The following IGF2BP1 variants were observed in gnomAD, a reference collection of about 807,000 sequenced individuals.
IGF2BP1 encodes the protein insulin like growth factor 2 mRNA binding protein 1.
IGF2BP1 carries 11 observed loss-of-function variants against 74.9 expected under a neutral mutation model. The observed-to-expected ratio is 0.15, with a 90% CI of 0.09 to 0.24. The LOEUF (loss-of-function observed/expected upper bound fraction) is 0.24. Among genes scored for constraint, IGF2BP1 ranks in the 10% least tolerant of loss-of-function variants. IGF2BP1 has a pLI of 1.00. For synonymous variants in IGF2BP1, 287 were observed against 281.8 expected, an observed-to-expected ratio of 1.02 and a Z score of -0.18; for missense variants, 440 against 757.4, an observed-to-expected ratio of 0.58 and a Z score of 4.92.
intron 14 of IGF2BP1, among the ~76,000 whole-genome samples, chr17:49,049,140 G>A (rs1437127815): frequency 7.2e-5 from 11 of 152,012 alleles, no homozygotes; most frequent in Admixed American, 6.6e-4. Context: ...CACCCACCAC[G>A]TTTGCTGTAT....
chr17:49,016,532 T>C (rs1028083508), intron 2 of IGF2BP1, among the ~76,000 whole-genome samples: 1 of 152,210 alleles, frequency 6.6e-6, no homozygotes, highest in East Asian at 1.9e-4. Context: ...AGAGTAGCTC[T>C]TGGTGACCTG....
chr17:48,999,952 G>C (rs2041465968), intron 2 of IGF2BP1, among the ~76,000 whole-genome samples: 1 of 151,404 alleles, frequency 6.6e-6, no homozygotes, highest in Non-Finnish European at 1.5e-5. Flanking sequence ...GTGTGTGTGT[G>C]TGTGTGTGTG....
Position 49,038,216 on chromosome 17 carries a change from G to A in IGF2BP1, c.450G>A (p.Lys150=). 3 of 1,550,322 alleles carry A rather than the reference G, an allele frequency of 1.9e-6. No individual in the cohort carries two copies. The highest frequency in any genetic ancestry group is 2.6e-6 in the Non-Finnish European group (3 of 1,145,456). The change falls in exon 6 of 15, where the codon AAG becomes AAA. Residue 150 remains lysine (K), a synonymous_variant. Transcript: ENST00000290341. ...NGHQLENHAL[K]VSYIPDEQIA... ...ACCAGTTGGAGAACCATGCCCTGAA[G>A]GTCTCCTACATCCCCGATGAGCAGA...
intron 9 of IGF2BP1, among the ~76,000 whole-genome samples, chr17:49,042,875 G>T (rs1251584028): frequency 6.6e-6 from 1 of 151,916 alleles, no homozygotes; most frequent in Non-Finnish European, 1.5e-5. Flanking sequence ...TTGGAAACAG[G>T]GTCTTGCTGT....
chr17:49,014,826 T>C, intron 2 of IGF2BP1: 1 of 985,374 alleles, frequency 1.0e-6, no homozygotes, highest in Non-Finnish European at 1.2e-6. Flanking sequence ...CGGGTCCTTC[T>C]CATGGTGCGG....
rs560218666 is a variant in IGF2BP1 at position 49,055,513 on chromosome 17, C to G, written c.*6069C>G. The G allele has an allele frequency of 2.5e-6, 1 of 395,592 alleles. No homozygotes were observed. The highest frequency in any genetic ancestry group is 3.6e-5 in the East Asian group (1 of 27,964). The allele number at this position is 395,592 out of a possible 1,614,324, so 24.5% of individuals were successfully genotyped here. A position where few individuals can be genotyped will look rare whatever the true frequency, so the allele number is the denominator to read the frequency against. ...TGCTTAAATCTTGACTGGCACTTCC[C>G]GGCTGTGGGGGCTGGGGAGCCACTT... is the stretch of plus-strand genomic sequence containing the variant. On this transcript the variant is annotated 3_prime_UTR_variant, in exon 15 of 15. Coordinates refer to ENST00000290341, the MANE Select transcript of IGF2BP1 (RefSeq NM_006546.4).
chr17:49,025,976 C>T (rs528353966), intron 3 of IGF2BP1, among the ~76,000 whole-genome samples: 1 of 151,864 alleles, frequency 6.6e-6, no homozygotes, highest in African/African-American at 2.4e-5. Context: ...CTGCCTCAGC[C>T]TCCCAAGTAG....
chr17:49,019,924 ATAT>A (rs2041760661), intron 2 of IGF2BP1, among the ~76,000 whole-genome samples: 1 of 61,508 alleles, frequency 1.6e-5, no homozygotes, highest in Non-Finnish European at 3.1e-5. Context: ...ATATATATAT[ATAT>A]ATATATATAT....
At chr17:49,039,091 T>C (rs768301604) in intron 6 of IGF2BP1, among the ~76,000 whole-genome samples, 2 of 152,114 alleles carry the variant, frequency 1.3e-5, no homozygotes, top group Non-Finnish European at 2.9e-5. Flanking sequence ...TTGATCAGGC[T>C]GGTTACGAAC....
At chr17:49,041,213 A>G (rs929158913) in intron 7 of IGF2BP1, among the ~76,000 whole-genome samples, 165 bp from the exon 8 acceptor site, 1 of 152,180 alleles carries the variant, frequency 6.6e-6, no homozygotes, top group South Asian at 2.1e-4. Flanking sequence ...TTGATGTTCA[A>G]TTGATGTATA....
At chr17:49,023,554 GT>G (rs2041817037) in intron 2 of IGF2BP1, among the ~76,000 whole-genome samples, 1 of 152,056 alleles carries the variant, frequency 6.6e-6, no homozygotes, top group African/African-American at 2.4e-5. Flanking sequence ...CCCCTTCCCT[GT>G]TTTCAAACCC....
chr17:49,046,881 A>G (rs1420215274), intron 14 of IGF2BP1, among the ~76,000 whole-genome samples: 1 of 152,000 alleles, frequency 6.6e-6, no homozygotes, highest in Non-Finnish European at 1.5e-5. Flanking sequence ...AGAACTCATC[A>G]TTGCCGTTCA....
At chr17:49,000,755 A>G (rs1022727160) in intron 2 of IGF2BP1, among the ~76,000 whole-genome samples, 2 of 152,186 alleles carry the variant, frequency 1.3e-5, no homozygotes, top group Non-Finnish European at 1.5e-5. Context: ...AAATAGCAAA[A>G]CGTGATGAAA....
chr17:49,049,559 A>T lies in IGF2BP1; in HGVS notation c.*115A>T. 3.6e-6 allele frequency: 3 copies of T among 829,952 alleles called. No homozygotes were observed. The highest frequency in any genetic ancestry group is 5.8e-6 in the Non-Finnish European group (3 of 515,222). The allele number at this position is 829,952 out of a possible 1,614,324, so 51.4% of individuals were successfully genotyped here. A position where few individuals can be genotyped will look rare whatever the true frequency, so the allele number is the denominator to read the frequency against. ...ATCCGGGACACCTGGGCCGGGCTGTAGATCAGGTTTGCCCACTTGATTGAG... is the reference window on the plus strand; with the variant it reads ...ATCCGGGACACCTGGGCCGGGCTGTTGATCAGGTTTGCCCACTTGATTGAG... On this transcript the variant is annotated 3_prime_UTR_variant, in exon 15 of 15. Coordinates refer to ENST00000290341, the MANE Select transcript of IGF2BP1 (RefSeq NM_006546.4).
rs2042144939 is a variant in IGF2BP1, at chr17:49,049,526, G to A, written c.*82G>A. 8.2e-7 allele frequency: 1 copy of A among 1,223,410 alleles called. No homozygotes were observed. 75.8% of individuals were successfully genotyped at this position (1,223,410 alleles called of 1,614,324 possible). A position where few individuals can be genotyped will look rare whatever the true frequency, so the allele number is the denominator to read the frequency against. ...TGCTCTCCCCGGCAGGCCTGAGAAT[G>A]AGTGGGAATCCGGGACACCTGGGCC... is the stretch of plus-strand genomic sequence containing the variant. On this transcript the variant is annotated 3_prime_UTR_variant, in exon 15 of 15. Transcript: ENST00000290341.
chr17:49,028,890 C>T (rs2041888173), intron 4 of IGF2BP1, among the ~76,000 whole-genome samples: 1 of 152,132 alleles, frequency 6.6e-6, no homozygotes, highest in African/African-American at 2.4e-5. Context: ...TCATTGCAAC[C>T]TCCGCCTCCT....
intron 12 of IGF2BP1, among the ~76,000 whole-genome samples, chr17:49,045,588 G>A (rs982066551): frequency 1.3e-5 from 2 of 152,172 alleles, no homozygotes; most frequent in South Asian, 2.1e-4. Flanking sequence ...GATTCCATAG[G>A]TCTGGTTTGT....
chr17:49,041,794 G>A (rs912928996), intron 8 of IGF2BP1, among the ~76,000 whole-genome samples: 2 of 152,218 alleles, frequency 1.3e-5, no homozygotes, highest in Non-Finnish European at 2.9e-5. Flanking sequence ...GCAGCTAGGA[G>A]CCAGGGATTC....
rs1454976269 is a variant in IGF2BP1 at position 49,055,559 on chromosome 17, TTA to T, written c.*6117_*6118del. 2.5e-6 allele frequency: 1 copy of T among 398,220 alleles called. No individual in the cohort carries two copies. The highest frequency in any genetic ancestry group is 4.4e-6 in the Non-Finnish European group (1 of 225,952). 24.7% of individuals were successfully genotyped at this position (398,220 alleles called of 1,614,324 possible). On this transcript the variant is annotated 3_prime_UTR_variant, in exon 15 of 15. Transcript: ENST00000290341. ...CACTTGTAACATTTCTGTGCAGATT[TTA>T]TGTTAGCCACTGCTATGTAAAAGCA...
Sources: gnomAD v4.1 joint callset for allele counts (sites outside exome capture counted in the v4.1 genomes callset) on GRCh38, gnomAD v4.1.1 for gene constraint, MANE v1.5 for transcripts, NCBI Gene and HGNC (gene_info 2026-07-23, HGNC 2026-07-21) for gene names.